Variants in TPTE2 observed in about 807,000 individuals in gnomAD.
The protein encoded by TPTE2 is transmembrane phosphoinositide 3-phosphatase and tensin homolog 2.
A neutral mutation model predicts 78.6 loss-of-function variants in TPTE2; 53 were observed. The ratio of observed to expected loss-of-function variants is 0.67; its 90% CI spans 0.54 to 0.85. TPTE2 has a LOEUF of 0.85. Ranked by LOEUF, TPTE2 falls within the 40% of genes least tolerant of loss-of-function variation. The probability of loss-of-function intolerance (pLI) is 0.00; values close to 1 mark genes in which losing one functional copy is unlikely to be tolerated. For missense variants in TPTE2, 461 were observed against 623.0 expected (o/e 0.74, Z 2.77); for synonymous variants, 175 against 206.2 (o/e 0.85, Z 1.30).
chr13:19,556,763 C>T, the TPTE2 span, among the ~76,000 whole-genome samples: 1 of 152,104 alleles, frequency 6.6e-6, no homozygotes, highest in Admixed American at 6.5e-5. Context: ...TAGTCACAAG[C>T]CATCCTGTTG....
At chr13:19,441,595 T>C (rs1877498457) in intron 13 of TPTE2, among the ~76,000 whole-genome samples, 1 of 152,188 alleles carries the variant, frequency 6.6e-6, no homozygotes, top group Admixed American at 6.5e-5. Context: ...GGAAAAAGCA[T>C]TCACTAACAT....
intron 10 of TPTE2, among the ~76,000 whole-genome samples, chr13:19,452,735 G>A (rs181176283): frequency 8.2e-4 from 125 of 151,988 alleles, no homozygotes; most frequent in African/African-American, 2.8e-3. Flanking sequence ...AATTGCTCTC[G>A]GAATTGGCAA....
intron 1 of TPTE2, among the ~76,000 whole-genome samples, chr13:19,500,664 G>A (rs1868447786): frequency 6.6e-6 from 1 of 151,962 alleles, no homozygotes; most frequent in South Asian, 2.1e-4. Context: ...AATAATAAGA[G>A]CTATTTATGA....
chr13:19,526,967 G>C (rs892008468), intron 1 of TPTE2, among the ~76,000 whole-genome samples: 4 of 152,156 alleles, frequency 2.6e-5, no homozygotes, highest in African/African-American at 9.7e-5. Context: ...TTACATGTCA[G>C]ATGGATCCCA....
At chr13:19,473,225 G>A (rs778076790) in intron 6 of TPTE2, among the ~76,000 whole-genome samples, 3 of 152,310 alleles carry the variant, frequency 2.0e-5, no homozygotes, top group Admixed American at 6.5e-5. Flanking sequence ...GCAGAAGTTT[G>A]CTGAAGGCCC....
At chr13:19,444,521 C>T (rs4393426) in intron 13 of TPTE2, among the ~76,000 whole-genome samples, 16,212 of 151,726 alleles carry the variant, frequency 0.11, 1,015 homozygotes, top group Middle Eastern at 0.19. Context: ...GCTTTCTATA[C>T]AGAAAATGAG....
At chr13:19,530,147 T>C (rs1870775373) in intron 1 of TPTE2, among the ~76,000 whole-genome samples, 2 of 152,216 alleles carry the variant, frequency 1.3e-5, no homozygotes, top group South Asian at 2.1e-4. Context: ...TACTTCACTA[T>C]TGGAGTCTGC....
chr13:19,560,257 T>C, the TPTE2 span: 1 of 925,888 alleles, frequency 1.1e-6, no homozygotes, highest in East Asian at 2.5e-5. Context: ...CTCGGCATCT[T>C]CGATGGGCAC....
intron 1 of TPTE2, among the ~76,000 whole-genome samples, chr13:19,515,916 A>G (rs1198088225): frequency 1.3e-5 from 2 of 152,234 alleles, no homozygotes; most frequent in Non-Finnish European, 2.9e-5. Context: ...ACTAATCTCC[A>G]AAAAGGGCAT....
intron 3 of TPTE2, among the ~76,000 whole-genome samples, chr13:19,491,749 C>T (rs780759454): frequency 1.3e-5 from 2 of 152,034 alleles, no homozygotes; most frequent in Non-Finnish European, 1.5e-5. Flanking sequence ...CGCTTGAACC[C>T]GGGAGATGGA....
chr13:19,511,663 G>A (rs1320220087), intron 1 of TPTE2, among the ~76,000 whole-genome samples: 25 of 152,064 alleles, frequency 1.6e-4, no homozygotes, highest in Non-Finnish European at 1.5e-5. Flanking sequence ...GGAACACAGG[G>A]GCTAGCTTTT....
exon 6 of TPTE2, chr13:19,473,963 T>C (rs372938456): frequency 1.2e-6 from 2 of 1,606,758 alleles, no homozygotes; most frequent in Non-Finnish European, 8.5e-7. Context: ...AATAAGCCAA[T>C]AGCTAGAGAA....
chr13:19,489,474 T>C (rs555492303), intron 3 of TPTE2, among the ~76,000 whole-genome samples: 71 of 150,956 alleles, frequency 4.7e-4, no homozygotes, highest in Non-Finnish European at 8.9e-4. Flanking sequence ...TATATACATA[T>C]ATGTTTACAT....
chr13:19,558,000 C>G, the TPTE2 span, among the ~76,000 whole-genome samples: 7 of 152,112 alleles, frequency 4.6e-5, no homozygotes, highest in Non-Finnish European at 7.4e-5. Context: ...TGTAAAATGT[C>G]AGATTTTTAA....
intron 13 of TPTE2, among the ~76,000 whole-genome samples, chr13:19,441,604 A>T (rs1877499586): frequency 6.6e-6 from 1 of 152,216 alleles, no homozygotes; most frequent in East Asian, 1.9e-4. Context: ...ATTCACTAAC[A>T]TTCAGCCTGC....
the TPTE2 span, among the ~76,000 whole-genome samples, chr13:19,549,112 T>A: frequency 9.2e-6 from 1 of 109,016 alleles, no homozygotes; most frequent in African/African-American, 2.9e-5. Context: ...GAGCAAAAAC[T>A]CTGTCTCAAA....
At chr13:19,459,719 A>C (rs1216598601) in intron 10 of TPTE2, among the ~76,000 whole-genome samples, 3 of 152,204 alleles carry the variant, frequency 2.0e-5, no homozygotes, top group African/African-American at 7.2e-5. Context: ...ATTCCTGCCC[A>C]GTGAGGAGGA....
chr13:19,523,087 T>C (rs974724222), intron 1 of TPTE2, among the ~76,000 whole-genome samples: 1 of 152,174 alleles, frequency 6.6e-6, no homozygotes, highest in Non-Finnish European at 1.5e-5. Context: ...GCATGGGGTC[T>C]TCCTTGGACC....
intron 3 of TPTE2, among the ~76,000 whole-genome samples, chr13:19,483,446 T>C (rs1251600695): frequency 6.6e-6 from 1 of 152,190 alleles, no homozygotes; most frequent in Non-Finnish European, 1.5e-5. Context: ...GTAGAGTTGC[T>C]CATAATAGTC....
Sources: gnomAD v4.1 joint callset for allele counts (sites outside exome capture counted in the v4.1 genomes callset) on GRCh38, gnomAD v4.1.1 for gene constraint, MANE v1.5 for transcripts, NCBI Gene and HGNC (gene_info 2026-07-23, HGNC 2026-07-21) for gene names.